Variants in ELAVL3 observed in about 807,000 individuals in gnomAD.
ELAVL3 encodes ELAV like RNA binding protein 3.
ELAVL3 carries 8 observed loss-of-function variants against 34.2 expected under a neutral mutation model. That is an observed-to-expected ratio of 0.23 (90% confidence interval 0.14 to 0.42). The LOEUF is 0.42. ELAVL3 is among the 10% of genes least tolerant of loss of function. The pLI is 1.00. For missense variants in ELAVL3, 273 were observed against 518.8 expected (o/e 0.53, Z 4.60); for synonymous variants, 209 against 222.1 (o/e 0.94, Z 0.53).
rs984065954 is a variant in ELAVL3, at chr19:11,480,261, G to A, written c.9+339C>T. The A allele has an allele frequency of 1.3e-5, 4 of 302,620 alleles. No homozygotes were observed. The Admixed American group carries it at 1.5e-4, about 12-fold the overall frequency. 18.7% of individuals were successfully genotyped at this position (302,620 alleles called of 1,614,324 possible). ...CCCTGCGTTTGCCTGGGCGGCCTGCGGGGTCTGGGCCTGGATGGAGGAAGC... is the reference window on the plus strand; with the variant it reads ...CCCTGCGTTTGCCTGGGCGGCCTGCAGGGTCTGGGCCTGGATGGAGGAAGC... On this transcript the variant is annotated intron_variant, in intron 1 of 6. Coordinates refer to ENST00000359227, the MANE Select transcript of ELAVL3 (RefSeq NM_001420.4). This position sits in a 1 kb window ranked among gnomAD's most constrained non-coding sequence, Gnocchi z 6.8.
intron 3 of ELAVL3, among the ~76,000 whole-genome samples, chr19:11,461,662 A>T (rs1247123503): frequency 1.3e-5 from 2 of 151,662 alleles, no homozygotes; most frequent in Non-Finnish European, 2.9e-5. Flanking sequence ...CAGTGATGCA[A>T]TCATGGTTCA....
chr19:11,472,793 G>C (rs1294140865), intron 1 of ELAVL3, among the ~76,000 whole-genome samples: 1 of 152,148 alleles, frequency 6.6e-6, no homozygotes, highest in Admixed American at 6.5e-5. Context: ...AGCCAGGCGT[G>C]GTGGCTCACG....
intron 1 of ELAVL3, among the ~76,000 whole-genome samples, chr19:11,470,201 C>G (rs1971136278): frequency 6.6e-6 from 1 of 151,680 alleles, no homozygotes; most frequent in South Asian, 2.1e-4. Context: ...CTAAAAATAC[C>G]ACAATTAGCC....
chr19:11,473,575 GC>G (rs1271125229), intron 1 of ELAVL3, among the ~76,000 whole-genome samples: 1 of 152,166 alleles, frequency 6.6e-6, no homozygotes, highest in Non-Finnish European at 1.5e-5. Context: ...CAGGCACTGT[GC>G]AAAGCACTCT....
At chr19:11,462,187 A>C (rs1970901602) in intron 3 of ELAVL3, among the ~76,000 whole-genome samples, 1 of 151,852 alleles carries the variant, frequency 6.6e-6, no homozygotes, top group African/African-American at 2.4e-5. Context: ...AAAAAAAAAA[A>C]AAAAAGAAAT....
Position 11,480,412 on chromosome 19 carries a change from C to G in ELAVL3, c.9+188G>C, listed in dbSNP as rs1971352282. 8 of 615,586 alleles carry G rather than the reference C, an allele frequency of 1.3e-5. No homozygotes were observed. The highest frequency in any genetic ancestry group is 2.0e-5 in the Non-Finnish European group (8 of 403,798). The allele number at this position is 615,586 out of a possible 1,614,324, so 38.1% of individuals were successfully genotyped here. A position where few individuals can be genotyped will look rare whatever the true frequency, so the allele number is the denominator to read the frequency against. On this transcript the variant is annotated intron_variant, in intron 1 of 6. Coordinates refer to ENST00000359227, the MANE Select transcript of ELAVL3 (RefSeq NM_001420.4). This position sits in a 1 kb window ranked among gnomAD's most constrained non-coding sequence, Gnocchi z 6.8. ...CCCTAAGGCCCTCTCAGACCAAGCTCTAAGCGCCCTCAGCACTCTGGGCGC... is the reference window on the plus strand; with the variant it reads ...CCCTAAGGCCCTCTCAGACCAAGCTGTAAGCGCCCTCAGCACTCTGGGCGC...
intron 1 of ELAVL3, among the ~76,000 whole-genome samples, chr19:11,475,062 G>A (rs1971237929): frequency 6.6e-6 from 1 of 152,088 alleles, no homozygotes; most frequent in Admixed American, 6.5e-5. Context: ...TCCTGATCTC[G>A]TGATCCACTG....
In ELAVL3 at chr19:11,456,955, A is replaced by T. The variant is rs1198083297; in HGVS notation, c.752+155T>A. Among the ~76,000 whole-genome samples, 3 of 152,050 alleles carry T rather than the reference A, an allele frequency of 2.0e-5. 1 individual carries two copies. Among genetic ancestry groups the T allele is most frequent in the Non-Finnish European group, 4.4e-5 (3 of 68,002 alleles). ...ACTGGGAGCACAGGCGAGAACCACC[A>T]CGTCTGGCTTTGATGTCACATCTCT... is the stretch of plus-strand genomic sequence containing the variant. On this transcript the variant is annotated intron_variant, in intron 6 of 6. Transcript: ENST00000359227.
rs944437726 is a variant in ELAVL3 at position 11,458,843 on chromosome 19, C to A, written c.334-232G>T. Among the ~76,000 whole-genome samples the A allele has an allele frequency of 1.3e-5, 2 of 152,064 alleles. No individual in the cohort carries two copies. The highest frequency in any genetic ancestry group is 4.8e-5 in the African/African-American group (2 of 41,406). On this transcript the variant is annotated intron_variant, in intron 3 of 6. Transcript: ENST00000359227. This position sits in a 1 kb window ranked among gnomAD's most constrained non-coding sequence, Gnocchi z 7.3. ...TGTATAGAGTGATGGGGACCTGCCA[C>A]CTAGGGAGGACATGTCTCCCTGGGG...
chr19:11,464,661 CACAT>C, intron 3 of ELAVL3, among the ~76,000 whole-genome samples: 2 of 115,190 alleles, frequency 1.7e-5, no homozygotes, highest in Admixed American at 9.8e-5. Context: ...ACATGACACA[CACAT>C]ACACACATCA....
At position 11,452,532 on chromosome 19, in the gene ELAVL3, GC is replaced by G. The variant is rs1970672073; in HGVS notation, c.*1993del. The G allele has an allele frequency of 2.0e-5, 2 of 100,044 alleles. No individual in the cohort carries two copies. The highest frequency in any genetic ancestry group is 7.6e-5 in the African/African-American group (2 of 26,338). 6.2% of individuals were successfully genotyped at this position (100,044 alleles called of 1,614,324 possible). On this transcript the variant is annotated 3_prime_UTR_variant, in exon 7 of 7. Transcript: ENST00000359227. ...CTTCTGTGTGTTTTCTTTTTTTGTTGCTTTTTTTTCCTCTTCTGTTTGTGTT... is the reference window on the plus strand; with the variant it reads ...CTTCTGTGTGTTTTCTTTTTTTGTTGTTTTTTTTCCTCTTCTGTTTGTGTT...
At chr19:11,464,174 T>A (rs1374963212) in intron 3 of ELAVL3, among the ~76,000 whole-genome samples, 21 of 140,452 alleles carry the variant, frequency 1.5e-4, no homozygotes, top group African/African-American at 6.1e-4. Context: ...TATATTTTTT[T>A]TTTTTTTAGA....
chr19:11,466,928 G>T lies in ELAVL3; in HGVS notation c.10-101C>A, dbSNP rs1971065942. The T allele has an allele frequency of 7.3e-6, 7 of 956,464 alleles. No individual in the cohort carries two copies. Among genetic ancestry groups the T allele is most frequent in the Non-Finnish European group, 9.3e-6 (6 of 644,160 alleles). The allele number at this position is 956,464 out of a possible 1,614,324, so 59.2% of individuals were successfully genotyped here. On this transcript the variant is annotated intron_variant, in intron 1 of 6. Transcript: ENST00000359227. The surrounding 1 kb of genome is among the most constrained non-coding windows in gnomAD (Gnocchi z 5.0). ...TGATGAATTAGCCATGTCTTATAGG[G>T]GCTTCGTCATGGGGAGGGGTCACTT...
At chr19:11,456,654 C>T (rs572783953) in intron 6 of ELAVL3, among the ~76,000 whole-genome samples, 44 of 151,706 alleles carry the variant, frequency 2.9e-4, no homozygotes, top group African/African-American at 1.0e-3. Flanking sequence ...CATGAGACAC[C>T]GCGCCCAGCC....
At chr19:11,470,491 C>T (rs999867722) in intron 1 of ELAVL3, among the ~76,000 whole-genome samples, 2 of 151,098 alleles carry the variant, frequency 1.3e-5, no homozygotes, top group African/African-American at 4.9e-5. Context: ...CATGGAGAAA[C>T]CCCGTTTGCT....
rs915442513 is a variant in ELAVL3 at position 11,467,103 on chromosome 19, A to G, written c.10-276T>C. On this transcript the variant is annotated intron_variant, in intron 1 of 6. Coordinates refer to ENST00000359227, the MANE Select transcript of ELAVL3 (RefSeq NM_001420.4). Reference sequence around the variant, plus strand: ...AGGCCTAAAATCAACCTGTGCATTTACAAAATAAAAAACGCTTTCACACCG... The same window carrying G: ...AGGCCTAAAATCAACCTGTGCATTTGCAAAATAAAAAACGCTTTCACACCG... 3.3e-5 allele frequency among the ~76,000 whole-genome samples: 5 copies of G among 152,174 alleles called. No individual in the cohort carries two copies. The South Asian group carries it at 6.2e-4, about 19-fold the overall frequency.
At position 11,464,137 on chromosome 19, in the gene ELAVL3, C is replaced by G. The variant is rs7255264; in HGVS notation, c.333+2035G>C. ...TGTCTCTCTCTGTCTCTCTCTCTCT[C>G]TCTCTCTCTCTCTCTATATATATAT... On this transcript the variant is annotated intron_variant, in intron 3 of 6. Transcript: ENST00000359227. Among the ~76,000 whole-genome samples the G allele has an allele frequency of 9.7e-5, 9 of 92,736 alleles. 1 individual carries two copies. Among genetic ancestry groups the G allele is most frequent in the African/African-American group, 3.6e-4 (6 of 16,524 alleles). The allele number at this position is 92,736 out of a possible 152,430, so 60.8% of individuals were successfully genotyped here.
chr19:11,474,869 G>A (rs1331563355), intron 1 of ELAVL3, among the ~76,000 whole-genome samples: 3 of 151,936 alleles, frequency 2.0e-5, no homozygotes, highest in Non-Finnish European at 4.4e-5. Flanking sequence ...TTGCTTTGTC[G>A]CCCAGGCTGG....
intron 1 of ELAVL3, among the ~76,000 whole-genome samples, chr19:11,476,578 CAG>C (rs1971267507): frequency 6.6e-6 from 1 of 151,572 alleles, no homozygotes; most frequent in African/African-American, 2.4e-5. Context: ...GGAATAGGAA[CAG>C]AGTTGCATAG....
Sources: gnomAD v4.1 joint callset for allele counts (sites outside exome capture counted in the v4.1 genomes callset) on GRCh38, gnomAD v4.1.1 for gene constraint, Gnocchi (gnomAD v3.1) non-coding constraint, MANE v1.5 for transcripts, NCBI Gene and HGNC (gene_info 2026-07-23, HGNC 2026-07-21) for gene names.